Variants in MAF observed in about 807,000 individuals in gnomAD.
The protein encoded by MAF is MAF bZIP transcription factor.
Under a neutral mutation model 22.0 loss-of-function variants are expected in MAF, and 10 were observed. That is an observed-to-expected ratio of 0.45 (90% CI 0.28 to 0.77). The LOEUF (loss-of-function observed/expected upper bound fraction) is 0.77, where lower values mean the gene tolerates loss of function less well. MAF is among the 30% of genes least tolerant of loss of function. The pLI, the probability that MAF is intolerant of heterozygous loss-of-function variation, is 0.12. For synonymous variants in MAF, 337 were observed against 255.8 expected (o/e 1.32, Z -3.03); for missense variants, 544 against 548.4 (o/e 0.99, Z 0.08).
the MAF span, among the ~76,000 whole-genome samples, chr16:79,580,596 A>G: frequency 6.6e-6 from 1 of 152,102 alleles, no homozygotes; most frequent in Non-Finnish European, 1.5e-5. Flanking sequence ...CGCTGCTTGG[A>G]GGGAGAACAG....
the MAF span, among the ~76,000 whole-genome samples, chr16:79,490,919 T>C: frequency 6.6e-6 from 1 of 152,174 alleles, no homozygotes; most frequent in East Asian, 1.9e-4. Context: ...TTACTGAGGA[T>C]GTTTTCTGGC....
the MAF span, among the ~76,000 whole-genome samples, chr16:79,240,776 G>C: frequency 2.6e-3 from 392 of 151,996 alleles, 3 homozygotes; most frequent in Non-Finnish European, 9.6e-4. Context: ...GGGGCCAATG[G>C]ACACCTCATA....
chr16:79,481,478 A>C, the MAF span, among the ~76,000 whole-genome samples: 34 of 152,006 alleles, frequency 2.2e-4, no homozygotes, highest in Non-Finnish European at 4.9e-4. Context: ...AGATTTGCCT[A>C]CACCCCCTAG....
At chr16:79,560,994 C>T in the MAF span, among the ~76,000 whole-genome samples, 406 of 152,338 alleles carry the variant, frequency 2.7e-3, no homozygotes, top group Non-Finnish European at 5.2e-3. Context: ...TTCATCCACT[C>T]TGCTACCTCA....
chr16:79,429,211 C>A, the MAF span, among the ~76,000 whole-genome samples: 1 of 152,156 alleles, frequency 6.6e-6, no homozygotes, highest in South Asian at 2.1e-4. Flanking sequence ...GAGCCTCACG[C>A]TAGACTGGCC....
the MAF span, among the ~76,000 whole-genome samples, chr16:79,452,188 A>AT: frequency 6.6e-6 from 1 of 152,228 alleles, no homozygotes; most frequent in Non-Finnish European, 1.5e-5. Flanking sequence ...TACAGAAAAG[A>AT]AATTGCTGAC....
At chr16:79,478,458 G>A in the MAF span, among the ~76,000 whole-genome samples, 1 of 152,128 alleles carries the variant, frequency 6.6e-6, no homozygotes, top group African/African-American at 2.4e-5. Flanking sequence ...TTCCAACAGA[G>A]AAGAACACAA....
the MAF span, among the ~76,000 whole-genome samples, chr16:79,286,156 G>A: frequency 6.6e-6 from 1 of 152,074 alleles, no homozygotes; most frequent in East Asian, 1.9e-4. Context: ...GTAGCTAGCT[G>A]GTTTTTCTTT....
chr16:79,374,754 G>C, the MAF span, among the ~76,000 whole-genome samples: 1 of 152,156 alleles, frequency 6.6e-6, no homozygotes, highest in Non-Finnish European at 1.5e-5. Flanking sequence ...ATTGGAAGAG[G>C]TAATTTATTT....
At chr16:79,379,285 T>C in the MAF span, among the ~76,000 whole-genome samples, 1 of 152,236 alleles carries the variant, frequency 6.6e-6, no homozygotes, top group Non-Finnish European at 1.5e-5. Flanking sequence ...CTGTTAGTAA[T>C]GCCTGCCATG....
chr16:79,534,671 G>A, the MAF span, among the ~76,000 whole-genome samples: 46,378 of 151,686 alleles, frequency 0.31, 7,893 homozygotes, highest in East Asian at 0.46. Context: ...CACCAACATG[G>A]CACATGTATA....
the MAF span, among the ~76,000 whole-genome samples, chr16:79,327,638 C>G: frequency 1.3e-5 from 2 of 152,274 alleles, no homozygotes; most frequent in Admixed American, 1.3e-4. Flanking sequence ...TATCATTAAG[C>G]GTTCTCTCTC....
the MAF span, among the ~76,000 whole-genome samples, chr16:79,210,998 TTA>T: frequency 6.6e-6 from 1 of 151,518 alleles, no homozygotes; most frequent in African/African-American, 2.4e-5. Flanking sequence ...AATTAATGTG[TTA>T]TGTGTTTGTG....
chr16:79,272,225 T>C, the MAF span, among the ~76,000 whole-genome samples: 1 of 152,210 alleles, frequency 6.6e-6, no homozygotes, highest in Admixed American at 6.5e-5. Context: ...CGTTGAGCGG[T>C]GCTCTCTGTG....
the MAF span, among the ~76,000 whole-genome samples, chr16:79,511,125 G>C: frequency 4.6e-5 from 7 of 152,190 alleles, 1 homozygote; most frequent in South Asian, 4.2e-4. Flanking sequence ...ATTTTTCTCT[G>C]CCTTACTTCT....
chr16:79,229,797 G>A, the MAF span, among the ~76,000 whole-genome samples: 3 of 152,044 alleles, frequency 2.0e-5, no homozygotes, highest in Non-Finnish European at 2.9e-5. Context: ...AAGATGCGGA[G>A]TTTAATCCTA....
At chr16:79,223,102 T>C in the MAF span, among the ~76,000 whole-genome samples, 2 of 151,750 alleles carry the variant, frequency 1.3e-5, no homozygotes, top group African/African-American at 4.8e-5. Context: ...ATTGTAAAAT[T>C]GACCACATAA....
the MAF span, among the ~76,000 whole-genome samples, chr16:79,494,314 A>C: frequency 6.6e-6 from 1 of 152,182 alleles, no homozygotes; most frequent in Non-Finnish European, 1.5e-5. Context: ...GGCAGAATTT[A>C]GCTCCATGCA....
chr16:79,323,052 G>C, the MAF span, among the ~76,000 whole-genome samples: 9 of 150,272 alleles, frequency 6.0e-5, no homozygotes, highest in African/African-American at 1.5e-4. Flanking sequence ...CGGGAGGCTG[G>C]GGCAGGAGAA....
Sources: allele counts gnomAD v4.1 joint callset (sites outside exome capture counted in the v4.1 genomes callset), GRCh38; gene constraint gnomAD v4.1.1; transcripts MANE v1.5; gene names NCBI Gene and HGNC (gene_info 2026-07-23, HGNC 2026-07-21).